Variants in CADPS observed in about 807,000 individuals in gnomAD.
CADPS encodes calcium-dependent secretion activator 1.
A neutral mutation model predicts 167.3 loss-of-function variants in CADPS; 57 were observed. That is an observed-to-expected ratio of 0.34 (90% CI 0.28 to 0.42). CADPS has a LOEUF of 0.42. Ranked by LOEUF, CADPS falls within the 20% of genes least tolerant of loss-of-function variation. CADPS has a pLI of 1.00. For synonymous variants in CADPS, 676 were observed against 635.3 expected, an observed-to-expected ratio of 1.06 and a Z score of -0.96; for missense variants, 1,414 against 1,738.1, an observed-to-expected ratio of 0.81 and a Z score of 3.32.
At chr3:62,764,517 C>A (rs947259646) in intron 2 of CADPS, among the ~76,000 whole-genome samples, 1 of 152,130 alleles carries the variant, frequency 6.6e-6, no homozygotes, top group Non-Finnish European at 1.5e-5. Flanking sequence ...TTGGTCCCAG[C>A]GAACATCACA....
At chr3:62,794,778 T>TAAAAAAAAAAAAAAAAAAAA (rs71126555) in intron 1 of CADPS, among the ~76,000 whole-genome samples, 2 of 99,930 alleles carry the variant, frequency 2.0e-5, no homozygotes, top group Non-Finnish European at 3.6e-5. Context: ...CGCAAGGTGG[T>TAAAAAAAAAAAAAAAAAAAA]AAAAAAAAAA....
chr3:62,854,102 T>C (rs1474032309), intron 1 of CADPS, among the ~76,000 whole-genome samples: 1 of 152,184 alleles, frequency 6.6e-6, no homozygotes, highest in African/African-American at 2.4e-5. Flanking sequence ...AAAAAATATA[T>C]ATTTGGAATG....
chr3:62,711,544 A>G (rs1309408526), intron 3 of CADPS, among the ~76,000 whole-genome samples: 1 of 152,140 alleles, frequency 6.6e-6, no homozygotes, highest in Non-Finnish European at 1.5e-5. Context: ...TCTAATTGCT[A>G]TTTTTCTGGA....
chr3:62,786,499 G>C (rs1342686073), intron 1 of CADPS, among the ~76,000 whole-genome samples: 1 of 152,044 alleles, frequency 6.6e-6, no homozygotes, highest in African/African-American at 2.4e-5. Context: ...ACATTAGCTA[G>C]GTATGGTGTC....
chr3:62,698,917 A>AAG (rs2080886176), intron 3 of CADPS, among the ~76,000 whole-genome samples: 2 of 150,078 alleles, frequency 1.3e-5, no homozygotes, highest in East Asian at 2.0e-4. Context: ...TTTTTTTAAA[A>AAG]TTTCTGACTG....
intron 5 of CADPS, among the ~76,000 whole-genome samples, chr3:62,647,059 G>A (rs1158791711): frequency 3.9e-5 from 6 of 152,052 alleles, no homozygotes; most frequent in Non-Finnish European, 8.8e-5. Flanking sequence ...AAGAGACCGG[G>A]GAGGGAGAAG....
At chr3:62,732,111 C>T (rs1170982685) in intron 3 of CADPS, among the ~76,000 whole-genome samples, 1 of 152,114 alleles carries the variant, frequency 6.6e-6, no homozygotes, top group Non-Finnish European at 1.5e-5. Context: ...TGGTAGGTAG[C>T]TTCTAACAGG....
At chr3:62,853,959 A>G (rs1219280829) in intron 1 of CADPS, among the ~76,000 whole-genome samples, 2 of 152,118 alleles carry the variant, frequency 1.3e-5, no homozygotes, top group African/African-American at 4.8e-5. Flanking sequence ...CTGTCACATT[A>G]AAATAAATAA....
chr3:62,820,795 G>GTTTTTTTTTTTTTTTT (rs5849504), intron 1 of CADPS, among the ~76,000 whole-genome samples: 2 of 137,994 alleles, frequency 1.4e-5, no homozygotes, highest in Admixed American at 7.2e-5. Flanking sequence ...CTTTTTTTTG[G>GTTTTTTTTTTTTTTTT]TTTTTTTTTT....
intron 24 of CADPS, chr3:62,469,564 T>C (rs1162650315): frequency 6.6e-6 from 1 of 152,116 alleles, no homozygotes; most frequent in African/African-American, 2.4e-5. Context: ...CAGGCTGGAG[T>C]GCAGCAGCAC....
chr3:62,576,813 A>AAAAAAAAAAAAAG (rs1562375615), intron 8 of CADPS, among the ~76,000 whole-genome samples: 5 of 149,404 alleles, frequency 3.3e-5, no homozygotes, highest in African/African-American at 1.0e-4. Context: ...AAAAAAAAAA[A>AAAAAAAAAAAAAG]AAAAGCAGTC....
Position 62,399,802 on chromosome 3 carries a change from A to G in CADPS, c.3883-217T>C, listed in dbSNP as rs757063265. Among the ~76,000 whole-genome samples the G allele has an allele frequency of 2.0e-5, 3 of 152,242 alleles. No individual in the cohort carries two copies. The highest frequency in any genetic ancestry group is 2.9e-5 in the Non-Finnish European group (2 of 68,038). ...ATGAGAAATAGTGACAGGATAAACTATATTAGATGAGACAAAGCAAAGAAC... is the reference window on the plus strand; with the variant it reads ...ATGAGAAATAGTGACAGGATAAACTGTATTAGATGAGACAAAGCAAAGAAC... On this transcript the variant is annotated intron_variant, in intron 29 of 29. Transcript: ENST00000383710. The surrounding 1 kb of genome is among the most constrained non-coding windows in gnomAD (Gnocchi z 5.6).
chr3:62,587,383 A>T (rs1035956030), intron 7 of CADPS, among the ~76,000 whole-genome samples: 2 of 152,154 alleles, frequency 1.3e-5, no homozygotes, highest in African/African-American at 4.8e-5. Context: ...GCCTGTTCTT[A>T]CACGTCACCC....
chr3:62,640,479 G>A (rs1333363973), intron 6 of CADPS, among the ~76,000 whole-genome samples: 2 of 152,116 alleles, frequency 1.3e-5, no homozygotes. Flanking sequence ...GTTACAGGAA[G>A]TTGTTGTATT....
At chr3:62,791,025 T>A (rs943346118) in intron 1 of CADPS, among the ~76,000 whole-genome samples, 2 of 151,166 alleles carry the variant, frequency 1.3e-5, no homozygotes, top group African/African-American at 4.9e-5. Context: ...TATTTATCAG[T>A]ATTCTTTGTG....
chr3:62,730,380 A>T (rs1461322681), intron 3 of CADPS, among the ~76,000 whole-genome samples: 15 of 152,186 alleles, frequency 9.9e-5, no homozygotes, highest in Non-Finnish European at 1.5e-5. Flanking sequence ...TGCACAGCAC[A>T]GCCCCTAAAA....
chr3:62,508,145 C>CCAT (rs1298734460), intron 17 of CADPS, among the ~76,000 whole-genome samples: 3 of 152,138 alleles, frequency 2.0e-5, no homozygotes, highest in African/African-American at 7.2e-5. Context: ...ATCAAATGTC[C>CCAT]TACTGGAAGC....
rs150957629 is a variant in CADPS at position 62,532,939 on chromosome 3, G to A, written c.2223C>T (p.Gly741=). 2,725 of 1,613,734 alleles carry A rather than the reference G, an allele frequency of 1.7e-3. 23 individuals are homozygous for A. Among genetic ancestry groups the A allele is most frequent in the South Asian group, 0.016 (1,479 of 91,066 alleles). The change falls in exon 13 of 30, where the codon GGC becomes GGT. Residue 741 remains glycine, a synonymous_variant. Coordinates refer to ENST00000383710, the MANE Select transcript of CADPS (RefSeq NM_003716.4). ...LRDLLERAEN[G]AMIDPTLLHY... ...GAAGAAGGGTGGGGTCGATCATGGC[G>A]CCATTTTCTGCCCGTTCAAGCAAGT...
chr3:62,513,189 G>T (rs1282308375), intron 16 of CADPS, among the ~76,000 whole-genome samples: 1 of 152,030 alleles, frequency 6.6e-6, no homozygotes, highest in Non-Finnish European at 1.5e-5. Flanking sequence ...GGACCACCTG[G>T]TGTGGTCTCA....
Sources: gnomAD v4.1 joint callset for allele counts (sites outside exome capture counted in the v4.1 genomes callset) on GRCh38, gnomAD v4.1.1 for gene constraint, Gnocchi (gnomAD v3.1) non-coding constraint, MANE v1.5 for transcripts, NCBI Gene and HGNC (gene_info 2026-07-23, HGNC 2026-07-21) for gene names.